The following CFAP57 variants were observed in gnomAD, a reference collection of about 807,000 sequenced individuals.
CFAP57 encodes cilia and flagella associated protein 57, also known as cilia- and flagella-associated protein 57.
Under a neutral mutation model 146.8 loss-of-function variants are expected in CFAP57, and 116 were observed. That is an observed-to-expected ratio of 0.79 (90% CI 0.68 to 0.92). CFAP57 has a LOEUF of 0.92. Ranked by LOEUF, CFAP57 falls within the 40% of genes least tolerant of loss-of-function variation. The pLI, the probability that CFAP57 is intolerant of heterozygous loss-of-function variation, is 0.00. For synonymous variants in CFAP57, 518 were observed against 552.8 expected (o/e 0.94, Z 0.88); for missense variants, 1,377 against 1,527.2 (o/e 0.90, Z 1.64).
At chr1:43,207,033 A>C (rs912623258) in intron 10 of CFAP57, 101 bp downstream of exon 10, 11 of 1,164,584 alleles carry the variant, frequency 9.4e-6, no homozygotes, top group Non-Finnish European at 1.4e-5. Context: ...GGGCCTCTGC[A>C]TACAGGGCCC....
In CFAP57 at chr1:43,234,486, C is replaced by T. The variant is rs1205628687; in HGVS notation, c.3262-9C>T. On this transcript the variant is annotated splice_polypyrimidine_tract_variant and intron_variant, in intron 20 of 22. Transcript: ENST00000372492. ...TCTCCCTCACTGAGAATCTCCTGGG[C>T]CCCGTCAGGTGGAGATCGCAGGGCT... is the stretch of plus-strand genomic sequence containing the variant. 31 of 1,545,934 alleles carry T rather than the reference C, an allele frequency of 2.0e-5. No homozygotes were observed. The highest frequency in any genetic ancestry group is 3.6e-5 in the South Asian group (3 of 83,494).
At chr1:43,219,716 C>A in intron 13 of CFAP57, 179 bp downstream of exon 13, 2 of 729,794 alleles carry the variant, frequency 2.7e-6, no homozygotes, top group Non-Finnish European at 4.2e-6. Flanking sequence ...GTGGCTCATG[C>A]CTGTAATCCC....
intron 18 of CFAP57, 49 bp downstream of exon 18, chr1:43,227,175 C>T: frequency 4.1e-6 from 6 of 1,461,318 alleles, no homozygotes; most frequent in Non-Finnish European, 5.4e-6. Context: ...TCTGTCTCTT[C>T]TTCCACAATT....
Position 43,206,913 on chromosome 1 carries a change from A to C in CFAP57, c.1736A>C (p.Lys579Thr), listed in dbSNP as rs753484691. ...IFAVGSDHTL[K>T]EIADSLILRE... ...GCTGTTGGATCAGACCACACCCTCA[A>C]GGAGATTGCAGATTCCTTGGTGAGT... is the stretch of plus-strand genomic sequence containing the variant. Residue 579 changes from lysine to threonine, a missense_variant, in exon 10 of 23, where the codon AAG (lysine) becomes ACG (threonine). Lys to Thr is a moderately conservative substitution (Grantham distance 78, BLOSUM62 -1). Transcript: ENST00000372492. 1 of 1,613,810 alleles carries C rather than the reference A, an allele frequency of 6.2e-7. No homozygotes were observed. The highest frequency in any genetic ancestry group is 1.3e-5 in the African/African-American group (1 of 75,028).
At chr1:43,229,829 A>C (rs1570260595) in intron 18 of CFAP57, among the ~76,000 whole-genome samples, 1 of 127,592 alleles carries the variant, frequency 7.8e-6, no homozygotes. Flanking sequence ...GCTAGATCCC[A>C]AAAACACCCC....
intron 6 of CFAP57, among the ~76,000 whole-genome samples, chr1:43,193,704 ATATTCT>A (rs1254799165): frequency 6.6e-6 from 1 of 151,908 alleles, no homozygotes; most frequent in African/African-American, 2.4e-5. Context: ...CCCCAATGAC[ATATTCT>A]TATAATTATT....
Position 43,221,550 on chromosome 1 carries a change from A to G in CFAP57, c.2341+85A>G, listed in dbSNP as rs1645043700. 1.0e-5 allele frequency: 9 copies of G among 878,564 alleles called. No individual in the cohort carries two copies. In the South Asian group the frequency reaches 2.6e-4, roughly 25 times the overall value. 54.4% of individuals were successfully genotyped at this position (878,564 alleles called of 1,614,324 possible). A position where few individuals can be genotyped will look rare whatever the true frequency, so the allele number is the denominator to read the frequency against. On this transcript the variant is annotated intron_variant, in intron 14 of 22. Transcript: ENST00000372492. Reference sequence around the variant, plus strand: ...CACTCAAGAGTCCCCCAGACACAGTAGAAGTCTCAGGGAATATGGCTCTGT... The same window carrying G: ...CACTCAAGAGTCCCCCAGACACAGTGGAAGTCTCAGGGAATATGGCTCTGT...
chr1:43,188,804 C>G (rs1301825294), intron 6 of CFAP57, among the ~76,000 whole-genome samples: 1 of 152,088 alleles, frequency 6.6e-6, no homozygotes, highest in Non-Finnish European at 1.5e-5. Flanking sequence ...GTTGGTTGTG[C>G]TTTCCATGTT....
intron 2 of CFAP57, among the ~76,000 whole-genome samples, chr1:43,178,564 G>T (rs575845957): frequency 2.4e-4 from 37 of 152,302 alleles, no homozygotes; most frequent in Admixed American, 1.5e-3. Context: ...TCAGAGAAAT[G>T]CAAATCAAAA....
At chr1:43,234,121 G>A (rs1395037234) in intron 19 of CFAP57, among the ~76,000 whole-genome samples, 158 bp from the exon 20 acceptor site, 1 of 152,050 alleles carries the variant, frequency 6.6e-6, no homozygotes, top group South Asian at 2.1e-4. Context: ...CTGTGTGCCC[G>A]TCTAAGTTTC....
intron 10 of CFAP57, among the ~76,000 whole-genome samples, chr1:43,207,727 G>A (rs1232053457): frequency 6.6e-6 from 1 of 152,198 alleles, no homozygotes; most frequent in African/African-American, 2.4e-5. Flanking sequence ...CAGCAAGGAT[G>A]CATCATACAA....
At position 43,201,086 on chromosome 1, in the gene CFAP57, TG is replaced by T. The variant is rs774051400; in HGVS notation, c.1542+1584del. On this transcript the variant is annotated intron_variant, in intron 9 of 22. Transcript: ENST00000372492. The surrounding 1 kb of genome is among the most constrained non-coding windows in gnomAD (Gnocchi z 4.4). Reference sequence around the variant, plus strand: ...TTGACGTGCCCAGAAGTGTGATGTATGTGTGTGGAGGTCAGGAGAGAAGTCA... The same window carrying T: ...TTGACGTGCCCAGAAGTGTGATGTATTGTGTGGAGGTCAGGAGAGAAGTCA... 2.6e-5 allele frequency among the ~76,000 whole-genome samples: 4 copies of T among 152,098 alleles called. No individual in the cohort carries two copies. Among genetic ancestry groups the T allele is most frequent in the Non-Finnish European group, 5.9e-5 (4 of 68,026 alleles).
chr1:43,199,983 A>G (rs1252119659), intron 9 of CFAP57, among the ~76,000 whole-genome samples: 1 of 152,200 alleles, frequency 6.6e-6, no homozygotes, highest in African/African-American at 2.4e-5. Context: ...TAGGCCTTGT[A>G]AGGATTTATC....
rs773048042 is a variant in CFAP57 at position 43,234,460 on chromosome 1, C to T, written c.3262-35C>T. ...GCCATGCACTGACCTCCGGGGTCTC[C>T]TCTCCCTCACTGAGAATCTCCTGGG... On this transcript the variant is annotated intron_variant, in intron 20 of 22. Transcript: ENST00000372492. The T allele has an allele frequency of 7.8e-6, 12 of 1,542,340 alleles. No homozygotes were observed. In the South Asian group the frequency reaches 1.3e-4, roughly 17 times the overall value.
chr1:43,186,543 G>A (rs1052348782), intron 5 of CFAP57, among the ~76,000 whole-genome samples, 164 bp from the exon 6 acceptor site: 6 of 150,276 alleles, frequency 4.0e-5, no homozygotes, highest in African/African-American at 1.5e-4. Context: ...CCCGGGAGGC[G>A]GAGCTTGCAG....
In CFAP57 at chr1:43,215,377, C is replaced by T. The variant is rs1440613617; in HGVS notation, c.2052C>T (p.Ala684=). ...GIKREREVGF[A]EEVLVTKTDM... ...AGCGAGAGAGGGAGGTGGGCTTTGC[C>T]GAAGAGGTGCTTGTGACTAAAACAG... Residue 684 remains alanine, a synonymous_variant, in exon 12 of 23, where the codon GCC becomes GCT. Transcript: ENST00000372492. 6.4e-6 allele frequency: 10 copies of T among 1,550,760 alleles called. No homozygotes were observed. Among genetic ancestry groups the T allele is most frequent in the East Asian group, 2.4e-5 (1 of 40,938 alleles).
chr1:43,194,924 G>T (rs566253206), intron 6 of CFAP57: 2 of 152,158 alleles, frequency 1.3e-5, no homozygotes, highest in African/African-American at 4.8e-5. Context: ...CAAGCCTTTG[G>T]GTGCTGCCGT....
intron 18 of CFAP57, among the ~76,000 whole-genome samples, 155 bp downstream of exon 18, chr1:43,227,281 G>T (rs748689760): frequency 1.3e-5 from 2 of 152,150 alleles, no homozygotes; most frequent in Admixed American, 1.3e-4. Flanking sequence ...GTGCAACAGG[G>T]AAGGCCGTGG....
At chr1:43,200,960 T>C (rs1644096727) in intron 9 of CFAP57, among the ~76,000 whole-genome samples, 1 of 152,064 alleles carries the variant, frequency 6.6e-6, no homozygotes, top group African/African-American at 2.4e-5. Flanking sequence ...GGAGAGCAGT[T>C]AGGATGTGAA....
Sources: allele counts gnomAD v4.1 joint callset (sites outside exome capture counted in the v4.1 genomes callset), GRCh38; gene constraint gnomAD v4.1.1; non-coding constraint Gnocchi (gnomAD v3.1); transcripts MANE v1.5; gene names NCBI Gene and HGNC (gene_info 2026-07-23, HGNC 2026-07-21).